KDM2B: variants seen among roughly 807,000 people sequenced by gnomAD.
KDM2B encodes lysine demethylase 2B.
KDM2B carries 26 observed loss-of-function variants against 150.0 expected under a neutral mutation model. That is an observed-to-expected ratio of 0.17 (90% CI 0.13 to 0.24). The LOEUF (loss-of-function observed/expected upper bound fraction) is 0.24, where lower values mean the gene tolerates loss of function less well. Among genes scored for constraint, KDM2B ranks in the 10% least tolerant of loss-of-function variants. The probability of loss-of-function intolerance (pLI) is 1.00; values close to 1 mark genes in which losing one functional copy is unlikely to be tolerated. For synonymous variants in KDM2B, 734 were observed against 729.5 expected (o/e 1.01, Z -0.10); for missense variants, 1,265 against 1,816.9 (o/e 0.70, Z 5.52).
chr12:121,573,476 T>C (rs1891266130), intron 4 of KDM2B, among the ~76,000 whole-genome samples: 1 of 151,860 alleles, frequency 6.6e-6, no homozygotes, highest in African/African-American at 2.4e-5. Flanking sequence ...GGTTTCACCA[T>C]GTTGCCCAGT....
chr12:121,581,920 T>C (rs1891979753), upstream of KDM2B, among the ~76,000 whole-genome samples: 1 of 152,200 alleles, frequency 6.6e-6, no homozygotes, highest in Admixed American at 6.5e-5. Flanking sequence ...ACTGTAGTCT[T>C]TCCCACCCAT....
the KDM2B span, chr12:121,418,661 G>A: frequency 5.3e-5 from 8 of 152,208 alleles, no homozygotes; most frequent in Admixed American, 4.6e-4. Flanking sequence ...CGAGGCTGCA[G>A]GTGTACCATG....
At chr12:121,459,415 T>C (rs1878778368) in intron 12 of KDM2B, among the ~76,000 whole-genome samples, 1 of 152,178 alleles carries the variant, frequency 6.6e-6, no homozygotes. Flanking sequence ...CAGCTAAAAT[T>C]ATAAACCTCT....
At chr12:121,439,437 G>GT (rs1874591066) in intron 22 of KDM2B, among the ~76,000 whole-genome samples, 1 of 141,364 alleles carries the variant, frequency 7.1e-6, no homozygotes, top group Admixed American at 7.2e-5. Flanking sequence ...CTGGAGTGCA[G>GT]TGGCGCCATC....
Position 121,521,844 on chromosome 12 carries a change from C to A in KDM2B, c.932-744G>T, listed in dbSNP as rs1886713625. 6.6e-6 allele frequency among the ~76,000 whole-genome samples: 1 copy of A among 152,200 alleles called. No individual in the cohort carries two copies. Among genetic ancestry groups the A allele is most frequent in the African/African-American group, 2.4e-5 (1 of 41,450 alleles). ...GGAGGCAGGGCCAGGTGTAGTGGTG[C>A]ACCTCTGTGATCCCAGCACTTTGGG... On this transcript the variant is annotated intron_variant, in intron 8 of 22. Coordinates refer to ENST00000377071, the MANE Select transcript of KDM2B (RefSeq NM_032590.5). The surrounding 1 kb of genome is among the most constrained non-coding windows in gnomAD (Gnocchi z 4.9).
chr12:121,488,397 A>G (rs1555299339), intron 12 of KDM2B, among the ~76,000 whole-genome samples: 2 of 152,018 alleles, frequency 1.3e-5, no homozygotes, highest in Non-Finnish European at 2.9e-5. Context: ...TTGATGGCCC[A>G]CTCTAAAGGC....
the KDM2B span, among the ~76,000 whole-genome samples, chr12:121,410,265 G>T: frequency 1.3e-5 from 2 of 151,866 alleles, no homozygotes; most frequent in African/African-American, 2.4e-5. Flanking sequence ...TGGGGCTGGC[G>T]TGGTGGCTCA....
intron 9 of KDM2B, among the ~76,000 whole-genome samples, chr12:121,517,151 C>T (rs1484111123): frequency 1.3e-5 from 2 of 152,084 alleles, no homozygotes; most frequent in Admixed American, 6.6e-5. Context: ...TAGTGATGAT[C>T]GAGATGTTGT....
rs1555295020 is a variant in KDM2B, at chr12:121,467,224, GC to G, written c.1735-13881del. The stretch of plus-strand genomic sequence containing the variant: ...CGGACATGGCCATGGCTCATGGTGG[GC>G]CCAGGCTCGCGCGCGCTGACATGGC... On this transcript the variant is annotated intron_variant, in intron 12 of 22. Coordinates refer to ENST00000377071, the MANE Select transcript of KDM2B (RefSeq NM_032590.5). This position sits in a 1 kb window ranked among gnomAD's most constrained non-coding sequence, Gnocchi z 5.1. 1.9e-6 allele frequency: 2 copies of G among 1,031,954 alleles called. No individual in the cohort carries two copies. Among genetic ancestry groups the G allele is most frequent in the South Asian group, 2.9e-5 (1 of 34,676 alleles). 63.9% of individuals were successfully genotyped at this position (1,031,954 alleles called of 1,614,324 possible).
At chr12:121,525,634 A>G (rs1388167168) in intron 8 of KDM2B, among the ~76,000 whole-genome samples, 2 of 151,940 alleles carry the variant, frequency 1.3e-5, no homozygotes, top group Non-Finnish European at 2.9e-5. Context: ...CCCTAGCTGG[A>G]CTGGCTGAGC....
chr12:121,441,883 G>A (rs1414494273), intron 19 of KDM2B, among the ~76,000 whole-genome samples: 4 of 152,200 alleles, frequency 2.6e-5, no homozygotes, highest in Non-Finnish European at 4.4e-5. Flanking sequence ...GTTGCAACTC[G>A]CAGCCTTGCT....
intron 12 of KDM2B, among the ~76,000 whole-genome samples, chr12:121,466,717 G>A (rs1555294858): frequency 6.7e-6 from 1 of 150,206 alleles, no homozygotes; most frequent in Admixed American, 6.6e-5. Flanking sequence ...ACAACTTTGC[G>A]AACGCAGAGG....
downstream of KDM2B, among the ~76,000 whole-genome samples, chr12:121,424,696 G>A (rs1323607197): frequency 6.9e-6 from 1 of 143,936 alleles, no homozygotes; most frequent in Non-Finnish European, 1.5e-5. Flanking sequence ...GGGTAACAGA[G>A]CCAGACCTTG....
chr12:121,429,772 A>T lies in KDM2B; in HGVS notation c.*516T>A. The T allele has an allele frequency of 1.9e-6, 1 of 534,226 alleles. No homozygotes were observed. The highest frequency in any genetic ancestry group is 2.9e-5 in the East Asian group (1 of 34,010). The allele number at this position is 534,226 out of a possible 1,614,324, so 33.1% of individuals were successfully genotyped here. A position where few individuals can be genotyped will look rare whatever the true frequency, so the allele number is the denominator to read the frequency against. ...CAAAACAATAAAAACACTGGTATGC[A>T]TTCAAACCTTGCATAAATAACTTTT... On this transcript the variant is annotated 3_prime_UTR_variant, in exon 23 of 23. Transcript: ENST00000377071.
At chr12:121,422,038 G>A in the KDM2B span, among the ~76,000 whole-genome samples, 1 of 152,200 alleles carries the variant, frequency 6.6e-6, no homozygotes, top group African/African-American at 2.4e-5. Flanking sequence ...GCTGCTGGCT[G>A]GGAAATGGTT....
Position 121,580,992 on chromosome 12 carries a change from C to T in KDM2B, c.-81G>A. On this transcript the variant is annotated 5_prime_UTR_variant, in exon 1 of 23. Transcript: ENST00000377071. The stretch of plus-strand genomic sequence containing the variant: ...AAGGACTGCCTAACTTTTAAACTCC[C>T]GGCACTCAAAGATGTGGACACACAC... 1 of 1,543,880 alleles carries T rather than the reference C, an allele frequency of 6.5e-7. No homozygotes were observed. The highest frequency in any genetic ancestry group is 8.7e-7 in the Non-Finnish European group (1 of 1,146,768).
At position 121,520,939 on chromosome 12, in the gene KDM2B, C is replaced by G. The variant is rs782735586; in HGVS notation, c.1047+46G>C. 1 of 1,472,170 alleles carries G rather than the reference C, an allele frequency of 6.8e-7. No individual in the cohort carries two copies. The highest frequency in any genetic ancestry group is 1.1e-5 in the South Asian group (1 of 87,930). The allele number at this position is 1,472,170 out of a possible 1,614,324, so 91.2% of individuals were successfully genotyped here. A position where few individuals can be genotyped will look rare whatever the true frequency, so the allele number is the denominator to read the frequency against. The stretch of plus-strand genomic sequence containing the variant: ...TCCCACACACCGAGCACCGGCAGAG[C>G]TCAGGGGCCAGGCGCGCACGCGAGG... On this transcript the variant is annotated intron_variant, in intron 9 of 22. Coordinates refer to ENST00000377071, the MANE Select transcript of KDM2B (RefSeq NM_032590.5). The surrounding 1 kb of genome is among the most constrained non-coding windows in gnomAD (Gnocchi z 4.5).
chr12:121,438,901 C>G (rs1392707204), intron 22 of KDM2B, among the ~76,000 whole-genome samples: 1 of 151,940 alleles, frequency 6.6e-6, no homozygotes, highest in African/African-American at 2.4e-5. Context: ...CAACACCCCC[C>G]AATCCAGACC....
At chr12:121,571,144 T>C (rs1335090497) in intron 4 of KDM2B, among the ~76,000 whole-genome samples, 4 of 152,142 alleles carry the variant, frequency 2.6e-5, no homozygotes, top group African/African-American at 7.2e-5. Context: ...AGCAACTTCA[T>C]AGAGACACAA....
Sources: allele counts gnomAD v4.1 joint callset (sites outside exome capture counted in the v4.1 genomes callset), GRCh38; gene constraint gnomAD v4.1.1; non-coding constraint Gnocchi (gnomAD v3.1); transcripts MANE v1.5; gene names NCBI Gene and HGNC (gene_info 2026-07-23, HGNC 2026-07-21).